Variants in PIP5K1B observed in about 807,000 individuals in gnomAD.
PIP5K1B encodes phosphatidylinositol-4-phosphate 5-kinase type 1 beta.
PIP5K1B carries 42 observed loss-of-function variants against 67.0 expected under a neutral mutation model. The observed-to-expected ratio is 0.63, with a 90% CI of 0.49 to 0.81. PIP5K1B has a LOEUF of 0.81. PIP5K1B is among the 30% of genes least tolerant of loss of function. PIP5K1B has a pLI of 0.00. For missense variants in PIP5K1B, 459 were observed against 646.3 expected (o/e 0.71, Z 3.14); for synonymous variants, 214 against 231.4 (o/e 0.92, Z 0.68).
intron 15 of PIP5K1B, among the ~76,000 whole-genome samples, chr9:68,992,244 G>A (rs1830412905): frequency 6.6e-6 from 1 of 151,962 alleles, no homozygotes; most frequent in Non-Finnish European, 1.5e-5. Flanking sequence ...TTACAGGCAT[G>A]AGCCACTGCA....
intron 6 of PIP5K1B, among the ~76,000 whole-genome samples, chr9:68,879,239 A>G (rs921238129): frequency 6.6e-6 from 1 of 152,210 alleles, no homozygotes; most frequent in African/African-American, 2.4e-5. Context: ...GATGTACTTC[A>G]ATAGTATCTG....
chr9:68,814,121 G>T (rs537832412), intron 2 of PIP5K1B, among the ~76,000 whole-genome samples: 1 of 152,164 alleles, frequency 6.6e-6, no homozygotes, highest in African/African-American at 2.4e-5. Context: ...CCCCAGGAAG[G>T]CCATGACCTA....
intron 12 of PIP5K1B, among the ~76,000 whole-genome samples, chr9:68,928,721 C>A (rs539468622): frequency 6.6e-6 from 1 of 152,190 alleles, no homozygotes; most frequent in Non-Finnish European, 1.5e-5. Flanking sequence ...AGTGCTGCTA[C>A]AGTGGAAAAT....
At chr9:68,871,312 A>T (rs1457982400) in intron 5 of PIP5K1B, among the ~76,000 whole-genome samples, 1 of 152,128 alleles carries the variant, frequency 6.6e-6, no homozygotes, top group East Asian at 1.9e-4. Flanking sequence ...TCTGCTTATG[A>T]CTTTTCTGCT....
In PIP5K1B at chr9:68,991,980, G is replaced by C. The variant is rs569366638; in HGVS notation, c.1620+723G>C. On this transcript the variant is annotated intron_variant, in intron 15 of 15. Coordinates refer to ENST00000265382, the MANE Select transcript of PIP5K1B (RefSeq NM_003558.4). ...CTGCACAAAAAAAAATTTTTTTTGG[G>C]GGGGGGCAGAGTTTTGCTCTTGTTG... Among the ~76,000 whole-genome samples the C allele has an allele frequency of 5.2e-4, 79 of 151,978 alleles. 1 individual carries two copies. Among genetic ancestry groups the C allele is most frequent in the African/African-American group, 1.2e-3 (48 of 41,404 alleles).
intron 14 of PIP5K1B, among the ~76,000 whole-genome samples, chr9:68,968,271 G>A (rs1220801121): frequency 2.6e-5 from 4 of 152,106 alleles, no homozygotes; most frequent in Non-Finnish European, 5.9e-5. Context: ...TGTAATCCCC[G>A]CATTTTGGGA....
chr9:68,988,401 A>C (rs1830184934), intron 14 of PIP5K1B, among the ~76,000 whole-genome samples: 1 of 150,566 alleles, frequency 6.6e-6, no homozygotes, highest in Non-Finnish European at 1.5e-5. Flanking sequence ...TAAAAATCAT[A>C]AATAAAAACT....
intron 6 of PIP5K1B, among the ~76,000 whole-genome samples, chr9:68,881,103 TG>T (rs1824179588): frequency 6.6e-6 from 1 of 152,182 alleles, no homozygotes; most frequent in Non-Finnish European, 1.5e-5. Flanking sequence ...CACACATTGG[TG>T]GGGGCAGAGC....
intron 14 of PIP5K1B, among the ~76,000 whole-genome samples, chr9:68,980,278 G>A (rs1381928353): frequency 6.6e-6 from 1 of 152,212 alleles, no homozygotes; most frequent in Non-Finnish European, 1.5e-5. Flanking sequence ...CCTGGGTCAC[G>A]CTGGAATGGG....
At chr9:68,847,313 AT>A (rs1001261966) in intron 4 of PIP5K1B, among the ~76,000 whole-genome samples, 11 of 150,878 alleles carry the variant, frequency 7.3e-5, no homozygotes, top group African/African-American at 2.7e-4. Flanking sequence ...TGCCACTGAT[AT>A]TTCCAGAGTA....
intron 14 of PIP5K1B, among the ~76,000 whole-genome samples, chr9:68,947,176 C>T (rs1025841106): frequency 6.6e-6 from 1 of 152,144 alleles, no homozygotes; most frequent in Non-Finnish European, 1.5e-5. Flanking sequence ...GAATTGGTTA[C>T]AGAATGTGGG....
chr9:68,758,822 C>G (rs1326627956), intron 2 of PIP5K1B, among the ~76,000 whole-genome samples: 1 of 151,982 alleles, frequency 6.6e-6, no homozygotes, highest in East Asian at 1.9e-4. Context: ...CATCATCAAA[C>G]TGCTGAAAAC....
chr9:68,831,492 T>C (rs551275837), intron 4 of PIP5K1B, among the ~76,000 whole-genome samples: 1 of 152,314 alleles, frequency 6.6e-6, no homozygotes, highest in South Asian at 2.1e-4. Context: ...TCTGGGATTT[T>C]AACCCCAACT....
intron 15 of PIP5K1B, among the ~76,000 whole-genome samples, chr9:68,995,892 T>G (rs918322928): frequency 6.6e-6 from 1 of 152,206 alleles, no homozygotes; most frequent in Non-Finnish European, 1.5e-5. Context: ...GTCTCTTTTT[T>G]CCTTTTGACA....
chr9:68,914,056 A>T (rs1249058842), intron 8 of PIP5K1B, among the ~76,000 whole-genome samples: 1 of 152,224 alleles, frequency 6.6e-6, no homozygotes, highest in Non-Finnish European at 1.5e-5. Context: ...ATATTGCAGG[A>T]AAAATATAAG....
At chr9:68,792,701 G>T (rs978338614) in intron 2 of PIP5K1B, among the ~76,000 whole-genome samples, 1 of 152,080 alleles carries the variant, frequency 6.6e-6, no homozygotes, top group Non-Finnish European at 1.5e-5. Context: ...GGATGGTCTC[G>T]ATCTCCTGAC....
At chr9:68,738,913 TG>T (rs1828870345) in intron 1 of PIP5K1B, among the ~76,000 whole-genome samples, 1 of 152,210 alleles carries the variant, frequency 6.6e-6, no homozygotes, top group Non-Finnish European at 1.5e-5. Context: ...TTCTTCTTTT[TG>T]GGCTCAGGCC....
At chr9:68,954,416 C>T (rs186517936) in intron 14 of PIP5K1B, among the ~76,000 whole-genome samples, 12 of 152,210 alleles carry the variant, frequency 7.9e-5, no homozygotes, top group African/African-American at 2.4e-4. Flanking sequence ...AACTGCTCAG[C>T]GAAGATTCTA....
In PIP5K1B at chr9:68,970,971, C is replaced by T. The variant is rs371643463; in HGVS notation, c.1503-20169C>T. ...TTTGCAAGCCAGTTGTTAAGAACAGCGATTTTTATTATTTATGTATTTATT... is the reference window on the plus strand; with the variant it reads ...TTTGCAAGCCAGTTGTTAAGAACAGTGATTTTTATTATTTATGTATTTATT... On this transcript the variant is annotated intron_variant, in intron 14 of 15. Coordinates refer to ENST00000265382, the MANE Select transcript of PIP5K1B (RefSeq NM_003558.4). Among the ~76,000 whole-genome samples, 7 of 151,930 alleles carry T rather than the reference C, an allele frequency of 4.6e-5. No individual in the cohort carries two copies. The South Asian group carries it at 1.0e-3, about 23-fold the overall frequency.
Sources: allele counts gnomAD v4.1 joint callset (sites outside exome capture counted in the v4.1 genomes callset), GRCh38; gene constraint gnomAD v4.1.1; transcripts MANE v1.5; gene names NCBI Gene and HGNC (gene_info 2026-07-23, HGNC 2026-07-21).